The following PDIA5 variants were observed in gnomAD, a reference collection of about 807,000 sequenced individuals.
The protein encoded by PDIA5 is protein disulfide-isomerase A5.
A neutral mutation model predicts 77.6 loss-of-function variants in PDIA5; 58 were observed. The observed-to-expected ratio is 0.75, with a 90% confidence interval of 0.61 to 0.93. The LOEUF (loss-of-function observed/expected upper bound fraction) is 0.93. PDIA5 is among the 40% of genes least tolerant of loss of function. PDIA5 has a pLI of 0.00. For synonymous variants in PDIA5, 250 were observed against 252.1 expected (o/e 0.99, Z 0.08); for missense variants, 630 against 647.7 (o/e 0.97, Z 0.30).
Position 123,067,208 on chromosome 3 carries a change from T to C in PDIA5, c.42+2T>C. 1 of 1,247,068 alleles carries C rather than the reference T, an allele frequency of 8.0e-7. No individual in the cohort carries two copies. The highest frequency in any genetic ancestry group is 1.0e-6 in the Non-Finnish European group (1 of 990,008). 77.3% of individuals were successfully genotyped at this position (1,247,068 alleles called of 1,614,324 possible). A position where few individuals can be genotyped will look rare whatever the true frequency, so the allele number is the denominator to read the frequency against. ...GCGTGGCTGCTGCTGGCAATCTGGG[T>C]GAGACTGTGGGGCAGGGATCCGGGC... On this transcript the variant is annotated splice_donor_variant, in intron 1 of 16. Transcript: ENST00000316218. LOFTEE classifies it high-confidence loss of function.
At chr3:123,115,081 C>CTAACCA (rs1934964624) in intron 7 of PDIA5, among the ~76,000 whole-genome samples, 2 of 152,156 alleles carry the variant, frequency 1.3e-5, no homozygotes, top group South Asian at 4.1e-4. Context: ...TGGATTGGAG[C>CTAACCA]TGGGCTGCCT....
At chr3:123,071,357 A>G (rs1361254298) in intron 1 of PDIA5, among the ~76,000 whole-genome samples, 2 of 152,098 alleles carry the variant, frequency 1.3e-5, no homozygotes, top group Admixed American at 1.3e-4. Context: ...TCTGCCCCTG[A>G]TGGTCGCTTG....
At chr3:123,161,648 C>G (rs1936161629) in intron 16 of PDIA5, 193 bp downstream of exon 16, 1 of 670,470 alleles carries the variant, frequency 1.5e-6, no homozygotes, top group African/African-American at 1.8e-5. Context: ...GGGGTTGCCA[C>G]AGATGTCCTG....
chr3:123,069,976 G>A (rs1405920152), intron 1 of PDIA5, among the ~76,000 whole-genome samples: 1 of 151,862 alleles, frequency 6.6e-6, no homozygotes, highest in Non-Finnish European at 1.5e-5. Flanking sequence ...TGTAGTCCCA[G>A]CTACTCAGAA....
At chr3:123,142,699 C>G (rs970303935) in intron 11 of PDIA5, among the ~76,000 whole-genome samples, 1 of 152,232 alleles carries the variant, frequency 6.6e-6, no homozygotes, top group African/African-American at 2.4e-5. Flanking sequence ...TCTTGCCCAG[C>G]CCAGGGGCAG....
At chr3:123,072,386 GTCA>G (rs1209124820) in intron 1 of PDIA5, among the ~76,000 whole-genome samples, 2 of 152,244 alleles carry the variant, frequency 1.3e-5, no homozygotes, top group African/African-American at 4.8e-5. Flanking sequence ...AAAGTGCCCA[GTCA>G]CTGGGAGTCT....
intron 3 of PDIA5, among the ~76,000 whole-genome samples, chr3:123,096,235 G>A (rs372264617): frequency 1.3e-5 from 2 of 151,830 alleles, no homozygotes; most frequent in Non-Finnish European, 2.9e-5. Flanking sequence ...GTCTCACTCT[G>A]TTGCCCAGGC....
At chr3:123,160,034 A>C (rs548796531) in intron 15 of PDIA5, among the ~76,000 whole-genome samples, 181 of 152,356 alleles carry the variant, frequency 1.2e-3, no homozygotes, top group African/African-American at 3.3e-3. Context: ...TCTTCCAAGC[A>C]TTCATTGAGC....
At chr3:123,150,463 G>T in intron 14 of PDIA5, 99 bp downstream of exon 14, 1 of 1,159,300 alleles carries the variant, frequency 8.6e-7, no homozygotes, top group Non-Finnish European at 1.2e-6. Flanking sequence ...CAAGGCAGCC[G>T]CTGATGGATC....
At chr3:123,099,861 G>A (rs987377663) in intron 3 of PDIA5, among the ~76,000 whole-genome samples, 5 of 152,270 alleles carry the variant, frequency 3.3e-5, no homozygotes, top group African/African-American at 1.2e-4. Context: ...GAGGCTGCCA[G>A]CCAGGCTTGA....
intron 3 of PDIA5, among the ~76,000 whole-genome samples, chr3:123,101,326 T>A (rs1934587153): frequency 6.6e-6 from 1 of 152,222 alleles, no homozygotes; most frequent in East Asian, 1.9e-4. Flanking sequence ...AACAGGTTCC[T>A]GGATGATGCT....
rs192395562 is a variant in PDIA5 at position 123,148,848 on chromosome 3, G to A, written c.1143-1386G>A. The stretch of plus-strand genomic sequence containing the variant: ...TCCTTCAGGTGGAGTGTGAACAGCC[G>A]ATGGCTCGGGGGTGGAGAACTGAGA... On this transcript the variant is annotated intron_variant, in intron 13 of 16. Transcript: ENST00000316218. Among the ~76,000 whole-genome samples, 44 of 152,354 alleles carry A rather than the reference G, an allele frequency of 2.9e-4. No individual in the cohort carries two copies. The East Asian group carries it at 6.6e-3, about 23-fold the overall frequency.
chr3:123,148,185 C>T (rs955623177), intron 13 of PDIA5, among the ~76,000 whole-genome samples: 19 of 152,124 alleles, frequency 1.2e-4, no homozygotes, highest in Admixed American at 3.3e-4. Flanking sequence ...AAGATGGAGA[C>T]AGTAATTTCC....
At chr3:123,117,271 A>C (rs754326766) in intron 8 of PDIA5, among the ~76,000 whole-genome samples, 12 of 150,242 alleles carry the variant, frequency 8.0e-5, no homozygotes, top group Non-Finnish European at 1.5e-4. Context: ...GAACTTTTTC[A>C]TTTTGCAAAA....
chr3:123,144,506 C>CA (rs944471298), intron 11 of PDIA5: 6 of 152,224 alleles, frequency 3.9e-5, no homozygotes, highest in Admixed American at 3.9e-4. Flanking sequence ...CAAGGTCTGT[C>CA]ATTTACACAA....
intron 1 of PDIA5, among the ~76,000 whole-genome samples, chr3:123,085,897 G>A (rs1430675223): frequency 6.6e-6 from 1 of 152,200 alleles, no homozygotes; most frequent in Non-Finnish European, 1.5e-5. Context: ...GCATTGAGCT[G>A]TGGAGTTTTC....
intron 1 of PDIA5, among the ~76,000 whole-genome samples, chr3:123,069,577 T>A (rs1933672031): frequency 6.6e-6 from 1 of 152,144 alleles, no homozygotes; most frequent in East Asian, 1.9e-4. Flanking sequence ...TGAATTCTAG[T>A]GAGGACCCTC....
chr3:123,135,250 C>T (rs1272652879), intron 11 of PDIA5, among the ~76,000 whole-genome samples: 1 of 152,282 alleles, frequency 6.6e-6, no homozygotes, highest in East Asian at 1.9e-4. Context: ...TGTGGCACTA[C>T]CTGAGTAGAC....
At chr3:123,160,426 C>T (rs993646020) in intron 15 of PDIA5, among the ~76,000 whole-genome samples, 6 of 151,148 alleles carry the variant, frequency 4.0e-5, no homozygotes. Context: ...TCTGACCAAA[C>T]ATTCTGATGG....
Sources: allele counts gnomAD v4.1 joint callset (sites outside exome capture counted in the v4.1 genomes callset), GRCh38; gene constraint gnomAD v4.1.1; transcripts MANE v1.5; gene names NCBI Gene and HGNC (gene_info 2026-07-23, HGNC 2026-07-21).